Variants in KIAA0319L observed in about 807,000 individuals in gnomAD.
KIAA0319L encodes dyslexia-associated protein KIAA0319-like protein.
Under a neutral mutation model 120.1 loss-of-function variants are expected in KIAA0319L, and 55 were observed. That is an observed-to-expected ratio of 0.46 (90% CI 0.37 to 0.57). KIAA0319L has a LOEUF of 0.57. Among genes scored for constraint, KIAA0319L ranks in the 20% least tolerant of loss-of-function variants. The pLI, the probability that KIAA0319L is intolerant of heterozygous loss-of-function variation, is 0.00. For synonymous variants in KIAA0319L, 398 were observed against 471.9 expected (o/e 0.84, Z 2.03); for missense variants, 1,049 against 1,255.3 (o/e 0.84, Z 2.48).
intron 4 of KIAA0319L, among the ~76,000 whole-genome samples, chr1:35,476,868 T>A (rs1643910030): frequency 6.6e-6 from 1 of 152,238 alleles, no homozygotes; most frequent in South Asian, 2.1e-4. Context: ...TTTCAGGGGA[T>A]AAAGACCAAC....
chr1:35,444,409 GTTACATGCAT>G, intron 16 of KIAA0319L, 106 bp from the exon 17 acceptor site: 5 of 1,085,206 alleles, frequency 4.6e-6, no homozygotes, highest in South Asian at 2.0e-5. Context: ...TGTGCTAAGT[GTTACATGCAT>G]TCTGTTACTA....
At chr1:35,477,458 G>C (rs1020469982) in intron 4 of KIAA0319L, among the ~76,000 whole-genome samples, 4 of 152,112 alleles carry the variant, frequency 2.6e-5, no homozygotes, top group Non-Finnish European at 4.4e-5. Flanking sequence ...ACAAGGTCAG[G>C]AGATCGAGAC....
chr1:35,488,846 G>A (rs1250507194), intron 3 of KIAA0319L, among the ~76,000 whole-genome samples: 1 of 152,198 alleles, frequency 6.6e-6, no homozygotes, highest in Non-Finnish European at 1.5e-5. Flanking sequence ...GGTGACCCTG[G>A]CAAGAGTAGC....
chr1:35,516,184 T>C (rs184179611), intron 2 of KIAA0319L, among the ~76,000 whole-genome samples: 120 of 152,210 alleles, frequency 7.9e-4, no homozygotes, highest in African/African-American at 1.9e-3. Flanking sequence ...GAGGAACTTC[T>C]CCCCAACTCA....
At chr1:35,443,791 G>A (rs986264910) in intron 17 of KIAA0319L, among the ~76,000 whole-genome samples, 1 of 152,106 alleles carries the variant, frequency 6.6e-6, no homozygotes, top group African/African-American at 2.4e-5. Flanking sequence ...ATCATGTAAT[G>A]TGATAGGAAA....
At chr1:35,456,997 G>A (rs1642517592) in intron 9 of KIAA0319L, among the ~76,000 whole-genome samples, 1 of 151,990 alleles carries the variant, frequency 6.6e-6, no homozygotes, top group Admixed American at 6.6e-5. Context: ...CTTGAAAGCA[G>A]TGGAGTCAGG....
intron 3 of KIAA0319L, among the ~76,000 whole-genome samples, chr1:35,505,371 A>G (rs1645170271): frequency 6.6e-6 from 1 of 152,164 alleles, no homozygotes; most frequent in South Asian, 2.1e-4. Context: ...ACCCCAGTAC[A>G]ATCCTACACA....
chr1:35,470,887 A>G lies in KIAA0319L; in HGVS notation c.1089T>C (p.His363=), dbSNP rs200962106. Residue 363 remains histidine (H), a synonymous_variant, in exon 6 of 21, where the codon CAT becomes CAC. Coordinates refer to ENST00000325722, the MANE Select transcript of KIAA0319L (RefSeq NM_024874.5). ...CCTTCGATAGTTTGAGGATCTGGGA[A>G]TGTTTCCCTTCCATTTCTCCACTGT... The part of the protein sequence containing the change: ...RDYSGEMEGK[H]SQILKLSKLT... The G allele has an allele frequency of 1.2e-6, 2 of 1,612,622 alleles. No individual in the cohort carries two copies. Among genetic ancestry groups the G allele is most frequent in the Non-Finnish European group, 8.5e-7 (1 of 1,178,588 alleles).
At chr1:35,528,952 G>C (rs1212372110) in intron 2 of KIAA0319L, among the ~76,000 whole-genome samples, 1 of 152,180 alleles carries the variant, frequency 6.6e-6, no homozygotes, top group Non-Finnish European at 1.5e-5. Context: ...TTTGCACGGA[G>C]TATTTTTTTC....
At chr1:35,502,273 C>CAAGAAAAAAAAAAA (rs1465565739) in intron 3 of KIAA0319L, among the ~76,000 whole-genome samples, 2 of 107,580 alleles carry the variant, frequency 1.9e-5, no homozygotes, top group Non-Finnish European at 3.7e-5. Context: ...GACTCTGTCT[C>CAAGAAAAAAAAAAA]AAGAAAAAAA....
intron 3 of KIAA0319L, among the ~76,000 whole-genome samples, chr1:35,494,021 C>T (rs1437391469): frequency 6.6e-6 from 1 of 152,164 alleles, no homozygotes; most frequent in Non-Finnish European, 1.5e-5. Flanking sequence ...ACTCCCAATA[C>T]AATCCCACTG....
chr1:35,491,253 T>C (rs1162737216), intron 3 of KIAA0319L, among the ~76,000 whole-genome samples: 14 of 152,298 alleles, frequency 9.2e-5, no homozygotes, highest in Admixed American at 8.5e-4. Context: ...TAAATTCAAT[T>C]GGTCCCAAAG....
At chr1:35,548,410 A>C (rs963894049) in intron 2 of KIAA0319L, among the ~76,000 whole-genome samples, 5 of 152,166 alleles carry the variant, frequency 3.3e-5, no homozygotes, top group Non-Finnish European at 5.9e-5. Context: ...TAGTATATTT[A>C]ATACAGTATT....
chr1:35,474,844 C>T lies in KIAA0319L; in HGVS notation c.976G>A (p.Val326Ile). The stretch of plus-strand genomic sequence containing the variant: ...TGGAGAACATATGCATTTAATTGAA[C>T]TTCATTCTTAGGCAGGGTTATCTGG... ...SVQITLPKNE[V>I]QLNAYVLQEP... Residue 326 changes from valine (V) to isoleucine (I), a missense_variant, in exon 5 of 21, where the codon GTT (valine) becomes ATT (isoleucine). Val to Ile is a conservative substitution (Grantham distance 29). Transcript: ENST00000325722. 6.2e-7 allele frequency: 1 copy of T among 1,611,098 alleles called. No individual in the cohort carries two copies. The highest frequency in any genetic ancestry group is 8.5e-7 in the Non-Finnish European group (1 of 1,177,514).
At chr1:35,524,804 T>C (rs1238384876) in intron 2 of KIAA0319L, among the ~76,000 whole-genome samples, 1 of 152,226 alleles carries the variant, frequency 6.6e-6, no homozygotes, top group East Asian at 1.9e-4. Context: ...GTATTTAGGA[T>C]ATCCATCACC....
rs566846982 is a variant in KIAA0319L at position 35,470,509 on chromosome 1, A to G, written c.1113+354T>C. 3.9e-4 allele frequency among the ~76,000 whole-genome samples: 59 copies of G among 151,358 alleles called. No individual in the cohort carries two copies. In the East Asian group the frequency reaches 7.0e-3, roughly 18 times the overall value. On this transcript the variant is annotated intron_variant, in intron 6 of 20. Transcript: ENST00000325722. ...CCCTGTCTCAAAAAAAAAAAAAAAA[A>G]AAAAAGAAAAAACCTATACTGAATC...
intron 2 of KIAA0319L, among the ~76,000 whole-genome samples, chr1:35,523,615 C>T (rs571188117): frequency 1.9e-4 from 29 of 152,152 alleles, no homozygotes; most frequent in East Asian, 9.6e-4. Context: ...GTAATGATTA[C>T]GGGTAGAACG....
chr1:35,455,642 G>C (rs1023522431), intron 10 of KIAA0319L, among the ~76,000 whole-genome samples: 13 of 142,208 alleles, frequency 9.1e-5, no homozygotes, highest in Non-Finnish European at 1.8e-4. Flanking sequence ...GTGCAATGGC[G>C]TGATCTCGGC....
chr1:35,476,921 G>A (rs1405200127), intron 4 of KIAA0319L, among the ~76,000 whole-genome samples: 2 of 152,258 alleles, frequency 1.3e-5, no homozygotes, highest in East Asian at 3.9e-4. Flanking sequence ...CCTTAGAACA[G>A]CACCTGTGAA....
Sources: allele counts gnomAD v4.1 joint callset (sites outside exome capture counted in the v4.1 genomes callset), GRCh38; gene constraint gnomAD v4.1.1; transcripts MANE v1.5; gene names NCBI Gene and HGNC (gene_info 2026-07-23, HGNC 2026-07-21).